The following HOMER2 variants were observed in gnomAD, a reference collection of about 807,000 sequenced individuals.
HOMER2 encodes the protein homer protein homolog 2.
A neutral mutation model predicts 47.0 loss-of-function variants in HOMER2; 27 were observed. The observed-to-expected ratio is 0.57, with a 90% CI of 0.42 to 0.79. The LOEUF is 0.79. Ranked by LOEUF, HOMER2 falls within the 30% of genes least tolerant of loss-of-function variation. The pLI is 0.00. For synonymous variants in HOMER2, 161 were observed against 163.8 expected (o/e 0.98, Z 0.13); for missense variants, 443 against 435.0 (o/e 1.02, Z -0.16).
chr15:82,958,506 C>T (rs2054604530), exon 2 of HOMER2: 1 of 152,270 alleles, frequency 6.6e-6, no homozygotes, highest in Non-Finnish European at 1.5e-5. Context: ...TCTGAGGCCT[C>T]AGGGAGTTAG....
intron 1 of HOMER2, among the ~76,000 whole-genome samples, chr15:82,915,639 G>A (rs2053571003): frequency 6.6e-6 from 1 of 152,228 alleles, no homozygotes; most frequent in African/African-American, 2.4e-5. Flanking sequence ...CTGGGCCTGG[G>A]AGTTCAAGGC....
At chr15:82,909,155 G>T (rs2053379842) in intron 1 of HOMER2, among the ~76,000 whole-genome samples, 1 of 152,204 alleles carries the variant, frequency 6.6e-6, no homozygotes, top group Non-Finnish European at 1.5e-5. Context: ...AGATCATTCA[G>T]GTTGATTGAT....
chr15:82,904,127 ACT>A (rs1172431617), intron 1 of HOMER2, among the ~76,000 whole-genome samples: 1 of 152,240 alleles, frequency 6.6e-6, no homozygotes, highest in African/African-American at 2.4e-5. Context: ...ACAGAGTGAG[ACT>A]GGCTCAAAAC....
At chr15:82,835,313 G>A (rs1198612589), downstream of HOMER2, 1 of 152,344 alleles carries the variant, frequency 6.6e-6, no homozygotes, top group African/African-American at 2.4e-5. Context: ...TTTTAGTAGA[G>A]ATGGGGTTTC....
chr15:82,853,085 ACTT>A (rs1228901530), intron 6 of HOMER2, among the ~76,000 whole-genome samples: 1 of 152,206 alleles, frequency 6.6e-6, no homozygotes, highest in East Asian at 1.9e-4. Context: ...CACCGAGGAC[ACTT>A]CCCAGAGGCA....
At chr15:82,868,694 G>A (rs1204995678) in intron 3 of HOMER2, among the ~76,000 whole-genome samples, 1 of 150,436 alleles carries the variant, frequency 6.6e-6, no homozygotes, top group Non-Finnish European at 1.5e-5. Flanking sequence ...TGGGATTACA[G>A]GCATGCGCCA....
downstream of HOMER2, chr15:82,846,995 T>TG (rs2051260560): frequency 6.6e-6 from 1 of 152,180 alleles, no homozygotes; most frequent in Admixed American, 6.5e-5. Flanking sequence ...GAAGGAAAGC[T>TG]TATCAAGGTA....
chr15:82,941,442 C>CA (rs10602958), intron 1 of HOMER2, among the ~76,000 whole-genome samples: 1,666 of 74,344 alleles, frequency 0.022, 33 homozygotes, highest in Non-Finnish European at 0.027. Context: ...GAGTCTGTCT[C>CA]AAAAAAAAAA....
Position 82,868,523 on chromosome 15 carries a change from T to TTTTATATATATATATATATATATATATA in HOMER2, c.295-4265_295-4264insTATATATATATATATATATATATATAAA, listed in dbSNP as rs1453193520. Among the ~76,000 whole-genome samples, 24 of 36,622 alleles carry TTTTATATATATATATATATATATATATA rather than the reference T, an allele frequency of 6.6e-4. 3 individuals are homozygous for TTTTATATATATATATATATATATATATA. Among genetic ancestry groups the TTTTATATATATATATATATATATATATA allele is most frequent in the African/African-American group, 1.0e-3 (9 of 8,886 alleles). The allele number at this position is 36,622 out of a possible 152,430, so 24.0% of individuals were successfully genotyped here. A position where few individuals can be genotyped will look rare whatever the true frequency, so the allele number is the denominator to read the frequency against. On this transcript the variant is annotated intron_variant, in intron 3 of 8. Transcript: ENST00000450735. ...AAGTTATATATATCACTTATTTATT[T>TTTTATATATATATATATATATATATATA]TATATATATATATATATATTTTTTT...
intron 1 of HOMER2, among the ~76,000 whole-genome samples, chr15:82,977,304 T>A (rs972904334): frequency 7.9e-5 from 12 of 152,308 alleles, no homozygotes; most frequent in African/African-American, 2.9e-4. Context: ...AGGGAACATA[T>A]GGAACCCACC....
chr15:82,967,440 C>T (rs1425297368), intron 1 of HOMER2, among the ~76,000 whole-genome samples: 2 of 152,046 alleles, frequency 1.3e-5, no homozygotes, highest in East Asian at 1.9e-4. Flanking sequence ...CAAAACAATC[C>T]AGTGGGTGTG....
intron 1 of HOMER2, among the ~76,000 whole-genome samples, chr15:82,964,400 A>G (rs1036757847): frequency 2.0e-5 from 3 of 152,268 alleles, no homozygotes; most frequent in Non-Finnish European, 4.4e-5. Flanking sequence ...GTTTTAATTA[A>G]GCAACTGCTT....
At chr15:82,956,582 C>T (rs991109933), upstream of HOMER2, among the ~76,000 whole-genome samples, 1 of 152,200 alleles carries the variant, frequency 6.6e-6, no homozygotes, top group South Asian at 2.1e-4. Flanking sequence ...AAGAGTAAAA[C>T]ATGGAGACTG....
chr15:82,873,593 C>G (rs994364311), intron 3 of HOMER2, among the ~76,000 whole-genome samples: 4 of 152,226 alleles, frequency 2.6e-5, no homozygotes, highest in Non-Finnish European at 5.9e-5. Context: ...TCTCCCATAA[C>G]TATGTCCAAT....
At chr15:82,893,355 T>C (rs1392156429) in intron 1 of HOMER2, among the ~76,000 whole-genome samples, 3 of 141,394 alleles carry the variant, frequency 2.1e-5, no homozygotes, top group East Asian at 2.0e-4. Flanking sequence ...TTTTTGGATA[T>C]AGAGTCTCGC....
At chr15:82,929,831 A>G (rs2053960342) in intron 1 of HOMER2, among the ~76,000 whole-genome samples, 1 of 151,674 alleles carries the variant, frequency 6.6e-6, no homozygotes. Flanking sequence ...GCTGGGCTCA[A>G]GTGATTCTCC....
rs1475665562 is a variant in HOMER2, at chr15:82,952,612, C to A, written c.-77G>T. On this transcript the variant is annotated 5_prime_UTR_variant, in exon 1 of 9. Transcript: ENST00000450735. The stretch of plus-strand genomic sequence containing the variant: ...CCGCCCGCTCGGCAGCCGCTCCCCG[C>A]GCGGCACATGCGGCGGCCCGTGCGC... 11 of 1,088,622 alleles carry A rather than the reference C, an allele frequency of 1.0e-5. No individual in the cohort carries two copies. The highest frequency in any genetic ancestry group is 1.2e-5 in the Non-Finnish European group (11 of 897,574). 67.4% of individuals were successfully genotyped at this position (1,088,622 alleles called of 1,614,324 possible).
At chr15:82,953,520 GATC>G (rs1355132264), upstream of HOMER2, among the ~76,000 whole-genome samples, 1 of 152,106 alleles carries the variant, frequency 6.6e-6, no homozygotes, top group Non-Finnish European at 1.5e-5. Flanking sequence ...ACTTCCACGG[GATC>G]ATCTTCTGCT....
downstream of HOMER2, among the ~76,000 whole-genome samples, chr15:82,848,809 G>A (rs1269661646): frequency 1.3e-5 from 2 of 152,184 alleles, no homozygotes; most frequent in African/African-American, 4.8e-5. Context: ...ACCAGCTCCT[G>A]CTGCTTCCCC....
Sources: gnomAD v4.1 joint callset for allele counts (sites outside exome capture counted in the v4.1 genomes callset) on GRCh38, gnomAD v4.1.1 for gene constraint, MANE v1.5 for transcripts, NCBI Gene and HGNC (gene_info 2026-07-23, HGNC 2026-07-21) for gene names.